The following PC variants were observed in gnomAD, a reference collection of about 807,000 sequenced individuals.
PC encodes pyruvate carboxylase, also known as pyruvate carboxylase, mitochondrial.
PC carries 46 observed loss-of-function variants against 107.8 expected under a neutral mutation model. The ratio of observed to expected loss-of-function variants is 0.43; its 90% confidence interval spans 0.34 to 0.55. The LOEUF is 0.55. PC is among the 20% of genes least tolerant of loss of function. The pLI is 0.04. For missense variants in PC, 1,241 were observed against 1,643.1 expected, an observed-to-expected ratio of 0.76 and a Z score of 4.23; for synonymous variants, 662 against 684.7, an observed-to-expected ratio of 0.97 and a Z score of 0.52.
chr11:66,868,956 G>A lies in PC; in HGVS notation c.912C>T (p.Tyr304=), dbSNP rs541901384. Residue 304 remains tyrosine (Y), a synonymous_variant, in exon 10 of 23, where the codon TAC becomes TAT. Coordinates refer to ENST00000393960, the MANE Select transcript of PC (RefSeq NM_001040716.2). ...DSVKLAKQVG[Y]ENAGTVEFLV... is the part of the protein sequence containing the mutation. ...GGAACTCCACGGTGCCTGCGTTCTC[G>A]TAGCCCACCTGTGGGGGCGGCCACG... 9 of 1,613,560 alleles carry A rather than the reference G, an allele frequency of 5.6e-6. No individual in the cohort carries two copies. The highest frequency in any genetic ancestry group is 1.7e-5 in the Admixed American group (1 of 60,022).
At position 66,848,477 on chromosome 11, in the gene PC, C is replaced by A. The variant is rs1346197613; in HGVS notation, c.*422G>T. ...ATGGGGAGCTTGAAAGGCAGCCCCCCACTGCTGAGTGGTGCAGGCTGGGGG... is the reference window on the plus strand; with the variant it reads ...ATGGGGAGCTTGAAAGGCAGCCCCCAACTGCTGAGTGGTGCAGGCTGGGGG... On this transcript the variant is annotated 3_prime_UTR_variant, in exon 23 of 23. Transcript: ENST00000393960. 2 of 546,668 alleles carry A rather than the reference C, an allele frequency of 3.7e-6. No individual in the cohort carries two copies. Among genetic ancestry groups the A allele is most frequent in the East Asian group, 5.9e-5 (2 of 34,116 alleles). The allele number at this position is 546,668 out of a possible 1,614,324, so 33.9% of individuals were successfully genotyped here.
chr11:66,879,867 G>A (rs959953620), intron 3 of PC, among the ~76,000 whole-genome samples: 1 of 152,218 alleles, frequency 6.6e-6, no homozygotes, highest in African/African-American at 2.4e-5. Context: ...ACACGGAAAT[G>A]TTGGCCAGCA....
rs76134577 is a variant in PC, at chr11:66,886,769, G to C, written c.1-14610C>G. On this transcript the variant is annotated intron_variant, in intron 3 of 22. Transcript: ENST00000393960. ...AGTGACTCAGCTTTGAACCTGAAGA[G>C]TATCCGGCTGGAAAGAACAGACAGC... is the stretch of plus-strand genomic sequence containing the variant. Among the ~76,000 whole-genome samples, 690 of 152,328 alleles carry C rather than the reference G, an allele frequency of 4.5e-3. 11 individuals carry two copies. The East Asian group carries it at 0.047, about 10-fold the overall frequency.
At chr11:66,883,931 T>TA (rs200991273) in intron 3 of PC, among the ~76,000 whole-genome samples, 2,684 of 148,708 alleles carry the variant, frequency 0.018, 303 homozygotes, top group Admixed American at 0.16. Context: ...GCCAAAAAAT[T>TA]AAAAAAAAAA....
At chr11:66,854,488 G>T (rs577910150) in intron 12 of PC, among the ~76,000 whole-genome samples, 1 of 152,160 alleles carries the variant, frequency 6.6e-6, no homozygotes. Context: ...AGGGGCCCTC[G>T]GTTCCACTCA....
intron 12 of PC, chr11:66,860,749 A>G: frequency 2.9e-6 from 2 of 699,174 alleles, no homozygotes; most frequent in Non-Finnish European, 2.6e-6. Context: ...AGGTGGCGAC[A>G]GGACGCCGTA....
At chr11:66,921,927 T>A (rs1445444395) in intron 3 of PC, among the ~76,000 whole-genome samples, 2 of 152,210 alleles carry the variant, frequency 1.3e-5, no homozygotes, top group Non-Finnish European at 2.9e-5. Context: ...GAGATCTGAC[T>A]GTCAAGGATC....
intron 3 of PC, among the ~76,000 whole-genome samples, chr11:66,917,121 G>A (rs1948481054): frequency 6.6e-6 from 1 of 151,800 alleles, no homozygotes; most frequent in Non-Finnish European, 1.5e-5. Context: ...GCCCAGGCTG[G>A]AGTGCAGTGG....
intron 10 of PC, among the ~76,000 whole-genome samples, chr11:66,868,453 A>G (rs1048907982): frequency 6.6e-6 from 1 of 152,248 alleles, no homozygotes; most frequent in African/African-American, 2.4e-5. Flanking sequence ...CTAGTAAAAC[A>G]GGTAAACCGG....
At chr11:66,875,746 A>G (rs565913818) in intron 3 of PC, among the ~76,000 whole-genome samples, 1 of 152,290 alleles carries the variant, frequency 6.6e-6, no homozygotes, top group South Asian at 2.1e-4. Context: ...ACACCCGGCT[A>G]TGGTGAACGT....
intron 3 of PC, among the ~76,000 whole-genome samples, chr11:66,943,035 T>C (rs1199671274): frequency 1.3e-5 from 2 of 150,892 alleles, no homozygotes; most frequent in African/African-American, 4.9e-5. Context: ...AAAAAGTAAG[T>C]TTAATATCAG....
intron 3 of PC, among the ~76,000 whole-genome samples, chr11:66,946,708 G>T (rs1949304447): frequency 6.6e-6 from 1 of 152,142 alleles, no homozygotes; most frequent in African/African-American, 2.4e-5. Context: ...AGGATCGCTT[G>T]AGCATGGGAG....
At chr11:66,899,042 G>C (rs1490680310) in intron 3 of PC, among the ~76,000 whole-genome samples, 3 of 152,062 alleles carry the variant, frequency 2.0e-5, no homozygotes, top group African/African-American at 7.2e-5. Context: ...GGCTAATTTT[G>C]TATTTTTAGT....
intron 3 of PC, among the ~76,000 whole-genome samples, chr11:66,875,859 C>T (rs955430773): frequency 2.6e-5 from 4 of 152,096 alleles, no homozygotes; most frequent in Admixed American, 1.3e-4. Flanking sequence ...CCACGCTGAC[C>T]GAGAGATGAA....
intron 20 of PC, 36 bp downstream of exon 20, chr11:66,849,901 A>G (rs1006349802): frequency 2.5e-6 from 4 of 1,613,564 alleles, no homozygotes; most frequent in Non-Finnish European, 3.4e-6. Flanking sequence ...TCCTGCATCC[A>G]GCCCCCACCC....
At chr11:66,892,391 C>CA (rs985616072) in intron 3 of PC, among the ~76,000 whole-genome samples, 1 of 152,184 alleles carries the variant, frequency 6.6e-6, no homozygotes, top group Non-Finnish European at 1.5e-5. Context: ...GCACAGGCAT[C>CA]ACGTTCCAGA....
At chr11:66,894,482 T>G (rs1947678865) in intron 3 of PC, among the ~76,000 whole-genome samples, 1 of 152,260 alleles carries the variant, frequency 6.6e-6, no homozygotes. Flanking sequence ...TATATATATT[T>G]TTAAAGCTAT....
intron 3 of PC, among the ~76,000 whole-genome samples, chr11:66,901,240 C>T (rs1947945985): frequency 6.6e-6 from 1 of 152,176 alleles, no homozygotes; most frequent in South Asian, 2.1e-4. Flanking sequence ...GGCACCTGGG[C>T]TCCCTTCCTG....
chr11:66,849,415 A>G (rs1461333645), intron 21 of PC, 45 bp from the exon 22 acceptor site: 2 of 1,610,190 alleles, frequency 1.2e-6, no homozygotes, highest in African/African-American at 1.3e-5. Flanking sequence ...CCAAGGTGGG[A>G]GAGCAGTCCC....
Sources: allele counts gnomAD v4.1 joint callset (sites outside exome capture counted in the v4.1 genomes callset), GRCh38; gene constraint gnomAD v4.1.1; transcripts MANE v1.5; gene names NCBI Gene and HGNC (gene_info 2026-07-23, HGNC 2026-07-21).